Variants in WDR49 observed in about 807,000 individuals in gnomAD.
The protein encoded by WDR49 is cilia- and flagella-associated protein 337.
Under a neutral mutation model 119.5 loss-of-function variants are expected in WDR49, and 107 were observed. The ratio of observed to expected loss-of-function variants is 0.90; its 90% CI spans 0.77 to 1.05. WDR49 has a LOEUF of 1.05. Among genes scored for constraint, WDR49 ranks in the 50% least tolerant of loss-of-function variants. WDR49 has a pLI of 0.00. For synonymous variants in WDR49, 425 were observed against 418.8 expected (o/e 1.01, Z -0.18); for missense variants, 1,240 against 1,220.5 (o/e 1.02, Z -0.24).
At chr3:167,635,157 C>T (rs1164376520) in intron 2 of WDR49, among the ~76,000 whole-genome samples, 1 of 151,744 alleles carries the variant, frequency 6.6e-6, no homozygotes. Flanking sequence ...CACATCATTG[C>T]TAAGCTGTCC....
intron 9 of WDR49, 60 bp downstream of exon 9, chr3:167,560,004 T>G (rs1713166425): frequency 6.4e-7 from 1 of 1,568,544 alleles, no homozygotes; most frequent in Non-Finnish European, 8.7e-7. Context: ...TAGCCATGTC[T>G]TCTGGCATAG....
At chr3:167,615,962 T>C (rs1469587211) in intron 5 of WDR49, among the ~76,000 whole-genome samples, 1 of 152,240 alleles carries the variant, frequency 6.6e-6, no homozygotes, top group Non-Finnish European at 1.5e-5. Context: ...TGCTTAGTTT[T>C]GAGTGCTTCA....
intron 7 of WDR49, among the ~76,000 whole-genome samples, chr3:167,597,173 G>T: frequency 6.6e-6 from 1 of 152,206 alleles, no homozygotes; most frequent in Non-Finnish European, 1.5e-5. Flanking sequence ...GCAGCCTCAG[G>T]GAATGGTACC....
At chr3:167,586,878 C>G (rs763932647) in intron 7 of WDR49, among the ~76,000 whole-genome samples, 1 of 152,128 alleles carries the variant, frequency 6.6e-6, no homozygotes, top group Admixed American at 6.6e-5. Context: ...TCACCTGTGA[C>G]TCTAAAGACA....
chr3:167,592,919 T>C (rs1321109626), intron 7 of WDR49, among the ~76,000 whole-genome samples: 2 of 152,196 alleles, frequency 1.3e-5, no homozygotes, highest in African/African-American at 4.8e-5. Flanking sequence ...GAACTTTAAA[T>C]ATGCTATTCT....
intron 18 of WDR49, among the ~76,000 whole-genome samples, chr3:167,482,277 T>C (rs564971679): frequency 3.3e-5 from 5 of 152,236 alleles, no homozygotes; most frequent in South Asian, 4.1e-4. Context: ...ATTACATACA[T>C]TCAAGTTGTC....
At chr3:167,553,615 A>G (rs1486611354) in intron 10 of WDR49, among the ~76,000 whole-genome samples, 1 of 152,140 alleles carries the variant, frequency 6.6e-6, no homozygotes, top group East Asian at 1.9e-4. Context: ...AGAGAGCTAA[A>G]CTTATTCATT....
intron 16 of WDR49, 34 bp from the exon 17 acceptor site, chr3:167,505,450 T>G (rs749806918): frequency 6.7e-7 from 1 of 1,487,290 alleles, no homozygotes; most frequent in Non-Finnish European, 8.9e-7. Context: ...AAATACATTA[T>G]TAACCACAGG....
intron 2 of WDR49, among the ~76,000 whole-genome samples, chr3:167,636,992 G>A (rs966055211): frequency 4.0e-5 from 6 of 151,800 alleles, no homozygotes. Flanking sequence ...AAGCTCTTTA[G>A]TTTAATTAAG....
chr3:167,479,677 T>C (rs1256148775), intron 18 of WDR49, among the ~76,000 whole-genome samples: 1 of 152,144 alleles, frequency 6.6e-6, no homozygotes, highest in Non-Finnish European at 1.5e-5. Flanking sequence ...CTAGAAGCAG[T>C]ACCCAAATAA....
upstream of WDR49, among the ~76,000 whole-genome samples, chr3:167,654,200 A>T (rs1213672452): frequency 6.6e-6 from 1 of 152,150 alleles, no homozygotes; most frequent in Non-Finnish European, 1.5e-5. Context: ...ATATTATGAA[A>T]CTATATGATT....
chr3:167,485,302 G>C (rs150338139), intron 18 of WDR49, among the ~76,000 whole-genome samples: 1,997 of 151,424 alleles, frequency 0.013, 29 homozygotes, highest in South Asian at 0.031. Flanking sequence ...ATGGCACATG[G>C]ATACCTATGT....
At chr3:167,537,251 C>A (rs1711520010) in intron 10 of WDR49, among the ~76,000 whole-genome samples, 1 of 152,076 alleles carries the variant, frequency 6.6e-6, no homozygotes, top group Non-Finnish European at 1.5e-5. Flanking sequence ...TAACAACAAA[C>A]CATGTAACAA....
At chr3:167,584,618 T>C (rs1465266422) in intron 7 of WDR49, among the ~76,000 whole-genome samples, 2 of 152,194 alleles carry the variant, frequency 1.3e-5, no homozygotes, top group African/African-American at 2.4e-5. Context: ...ATAAAGCATA[T>C]ACAAACAAAT....
chr3:167,602,433 T>A (rs1198110549), intron 6 of WDR49, among the ~76,000 whole-genome samples, 158 bp from the exon 7 acceptor site: 2 of 152,150 alleles, frequency 1.3e-5, no homozygotes, highest in Non-Finnish European at 2.9e-5. Context: ...TAGACCAGGC[T>A]AATAGAGCAT....
chr3:167,627,239 C>T lies in WDR49; in HGVS notation c.219G>A (p.Lys73=). The change falls in exon 3 of 19, where the codon AAG becomes AAA. Residue 73 remains lysine, a synonymous_variant. Transcript: ENST00000682715. ...ICMSREDFTQ[K]MTEIVGWGTK... is the part of the protein sequence containing the mutation. ...TGCCCCAACCAACAATCTCTGTCAT[C>T]TTCTGCGTGAAGTCTTCTCTGGACA... 3 of 1,250,814 alleles carry T rather than the reference C, an allele frequency of 2.4e-6. No individual in the cohort carries two copies. Among genetic ancestry groups the T allele is most frequent in the Non-Finnish European group, 3.0e-6 (3 of 997,588 alleles). 77.5% of individuals were successfully genotyped at this position (1,250,814 alleles called of 1,614,324 possible).
intron 2 of WDR49, among the ~76,000 whole-genome samples, chr3:167,635,926 C>A (rs1387528749): frequency 1.3e-5 from 2 of 151,542 alleles, no homozygotes; most frequent in African/African-American, 2.4e-5. Flanking sequence ...CTGTTCCATG[C>A]CAAACATTAT....
At chr3:167,594,285 T>C (rs958848417) in intron 7 of WDR49, among the ~76,000 whole-genome samples, 1 of 152,172 alleles carries the variant, frequency 6.6e-6, no homozygotes, top group Non-Finnish European at 1.5e-5. Flanking sequence ...TTGACCAAAA[T>C]GTTCATAGTG....
At chr3:167,620,975 T>C (rs1006289466) in intron 4 of WDR49, among the ~76,000 whole-genome samples, 5 of 152,062 alleles carry the variant, frequency 3.3e-5, no homozygotes, top group African/African-American at 1.2e-4. Flanking sequence ...AAGACAGAAA[T>C]AATTGTATCC....
Sources: allele counts gnomAD v4.1 joint callset (sites outside exome capture counted in the v4.1 genomes callset), GRCh38; gene constraint gnomAD v4.1.1; transcripts MANE v1.5; gene names NCBI Gene and HGNC (gene_info 2026-07-23, HGNC 2026-07-21).